Variants in STAT2 observed in about 807,000 individuals in gnomAD.
STAT2 encodes interferon alpha induced transcriptional activator.
STAT2 carries 51 observed loss-of-function variants against 122.3 expected under a neutral mutation model. The observed-to-expected ratio is 0.42, with a 90% CI of 0.33 to 0.53. The LOEUF is 0.53. Among genes scored for constraint, STAT2 ranks in the 20% least tolerant of loss-of-function variants. The probability of loss-of-function intolerance (pLI) is 0.10; values close to 1 mark genes in which losing one functional copy is unlikely to be tolerated. For synonymous variants in STAT2, 351 were observed against 394.9 expected (o/e 0.89, Z 1.32); for missense variants, 736 against 1,010.3 (o/e 0.73, Z 3.68).
chr12:56,350,802 G>A (rs1565653723), intron 11 of STAT2, 27 bp downstream of exon 11: 1 of 1,613,244 alleles, frequency 6.2e-7, no homozygotes, highest in Non-Finnish European at 8.5e-7. Context: ...CCCGTGTCCT[G>A]GCCACCCTTC....
rs766617497 is a variant in STAT2 at position 56,350,420 on chromosome 12, T to C, written c.1107A>G (p.Gln369=). Residue 369 remains glutamine, a synonymous_variant, in exon 12 of 24, where the codon CAA becomes CAG. Transcript: ENST00000314128. ...CCTTGTCAAGCACCTACCCTTGTAA[T>C]TGAGGAGGATTCCTGAAAAGAAATA... ...VEVSIDRNPP[Q]LQGFRKFNIL... The C allele has an allele frequency of 9.3e-6, 15 of 1,606,908 alleles. No homozygotes were observed. The African/African-American group carries it at 1.6e-4, about 17-fold the overall frequency.
chr12:56,348,163 C>T (rs1393482861), intron 19 of STAT2, among the ~76,000 whole-genome samples: 1 of 149,542 alleles, frequency 6.7e-6, no homozygotes, highest in East Asian at 2.0e-4. Flanking sequence ...TCTCGGCTCA[C>T]TGCAAGCTCC....
Position 56,343,311 on chromosome 12 carries a change from C to G in STAT2, c.*78G>C. ...CTTGGAAGGGACACATGCCTGATTC[C>G]CATCCTTGGAGAACAATATCATGCT... On this transcript the variant is annotated 3_prime_UTR_variant, in exon 24 of 24. Transcript: ENST00000314128. 1 of 1,550,752 alleles carries G rather than the reference C, an allele frequency of 6.4e-7. No individual in the cohort carries two copies. Among genetic ancestry groups the G allele is most frequent in the East Asian group, 2.3e-5 (1 of 44,200 alleles).
chr12:56,350,564 T>C (rs1287471130), intron 11 of STAT2, 132 bp from the exon 12 acceptor site: 1 of 832,844 alleles, frequency 1.2e-6, no homozygotes, highest in Admixed American at 2.7e-5. Flanking sequence ...TGAGAAGAGA[T>C]GTAATCAGTC....
At position 56,350,421 on chromosome 12, in the gene STAT2, TGAG is replaced by T. The variant is rs1878276199; in HGVS notation, c.1103_1105del (p.Pro368del). 1.2e-6 allele frequency: 2 copies of T among 1,606,790 alleles called. No individual in the cohort carries two copies. The highest frequency in any genetic ancestry group is 2.7e-5 in the African/African-American group (2 of 74,480). On this transcript the variant is annotated inframe_deletion, in exon 12 of 24. Transcript: ENST00000314128. ...CTTGTCAAGCACCTACCCTTGTAAT[TGAG>T]GAGGATTCCTGAAAAGAAATAAATT...
chr12:56,347,469 GCAT>G (rs1877672928), intron 19 of STAT2, among the ~76,000 whole-genome samples: 1 of 152,020 alleles, frequency 6.6e-6, no homozygotes, highest in South Asian at 2.1e-4. Flanking sequence ...AGGATTACAG[GCAT>G]GAGCAACCAC....
chr12:56,348,468 A>G, intron 19 of STAT2, 61 bp downstream of exon 19: 1 of 1,550,166 alleles, frequency 6.5e-7, no homozygotes, highest in Non-Finnish European at 8.9e-7. Flanking sequence ...GAGGGTGCAG[A>G]GACTCCACTC....
chr12:56,355,485 A>T lies in STAT2; in HGVS notation c.429T>A (p.His143Gln), dbSNP rs372975661. 7.4e-6 allele frequency: 12 copies of T among 1,613,762 alleles called. No individual in the cohort carries two copies. The highest frequency in any genetic ancestry group is 1.0e-5 in the Non-Finnish European group (12 of 1,179,764). The part of the protein sequence containing the change: ...VLETPVESQQ[H>Q]EIESRILDLR... ...AATCCAGGATCCGGGATTCAATCTCATGTTGCTGGCTCTCCACAGGTGTTT... is the reference window on the plus strand; with the variant it reads ...AATCCAGGATCCGGGATTCAATCTCTTGTTGCTGGCTCTCCACAGGTGTTT... Residue 143 changes from histidine to glutamine, a missense_variant, in exon 5 of 24, where the codon CAT becomes CAA. Physicochemically the swap from His to Gln is conservative, Grantham distance 24 (BLOSUM62 0). Transcript: ENST00000314128.
chr12:56,354,371 C>T, intron 8 of STAT2, 95 bp downstream of exon 8: 1 of 1,568,632 alleles, frequency 6.4e-7, no homozygotes, highest in South Asian at 1.2e-5. Context: ...GGAGCAGAGA[C>T]AAATAGAGAA....
rs1210130386 is a variant in STAT2 at position 56,349,476 on chromosome 12, T to G, written c.1291A>C (p.Ile431Leu). Reference protein sequence around the residue: ...PLGVTEELHIISFTVKYTYQG... With the variant: ...PLGVTEELHILSFTVKYTYQG... ...TAGGTATATTTGACCGTGAAGCTGA[T>G]GATGTGCAGTTCCTCTGTCACACCT... The change falls in exon 15 of 24, where the codon ATC (isoleucine) becomes CTC (leucine). Residue 431 changes from isoleucine to leucine, a missense_variant. Ile to Leu is a conservative substitution (Grantham distance 5, BLOSUM62 2). Transcript: ENST00000314128. 6.2e-7 allele frequency: 1 copy of G among 1,614,232 alleles called. No homozygotes were observed. Among genetic ancestry groups the G allele is most frequent in the Non-Finnish European group, 8.5e-7 (1 of 1,180,040 alleles).
In STAT2 at chr12:56,348,905, GA is replaced by G; in HGVS notation, c.1576+18del. 1.2e-6 allele frequency: 2 copies of G among 1,613,234 alleles called. No homozygotes were observed. The highest frequency in any genetic ancestry group is 1.7e-6 in the Non-Finnish European group (2 of 1,179,474). ...AAGACTAAGGCTGGGGAAAGGCTGA[GA>G]GAAAAGGAAATCTGTACCGAACAGC... is the stretch of plus-strand genomic sequence containing the variant. On this transcript the variant is annotated intron_variant, in intron 17 of 23. Coordinates refer to ENST00000314128, the MANE Select transcript of STAT2 (RefSeq NM_005419.4).
chr12:56,359,912 C>G, intron 1 of STAT2, 146 bp downstream of exon 1: 1 of 371,356 alleles, frequency 2.7e-6, no homozygotes, highest in Non-Finnish European at 3.7e-6. Flanking sequence ...AGATCGAGGA[C>G]CGAGCAGGCG....
intron 23 of STAT2, 95 bp downstream of exon 23, chr12:56,343,730 G>C: frequency 6.4e-7 from 1 of 1,561,240 alleles, no homozygotes. Context: ...TCTCCAATGA[G>C]GAGCTTGGAG....
chr12:56,348,458 G>T, intron 19 of STAT2, 71 bp downstream of exon 19: 1 of 1,506,704 alleles, frequency 6.6e-7, no homozygotes, highest in Non-Finnish European at 9.2e-7. Context: ...CTTGCCACGT[G>T]AGGGTGCAGA....
intron 23 of STAT2, 100 bp from the exon 24 acceptor site, chr12:56,343,631 G>A: frequency 6.5e-7 from 1 of 1,537,250 alleles, no homozygotes; most frequent in Non-Finnish European, 8.8e-7. Context: ...CCTGGGAAGA[G>A]CCTGAGTGGG....
chr12:56,349,099 C>T (rs1368609195), intron 16 of STAT2, 40 bp from the exon 17 acceptor site: 1 of 1,613,762 alleles, frequency 6.2e-7, no homozygotes. Context: ...TCAGAAGCAA[C>T]CTATCACACC....
intron 1 of STAT2, among the ~76,000 whole-genome samples, chr12:56,358,543 G>A (rs1373650170): frequency 1.3e-5 from 2 of 152,262 alleles, no homozygotes; most frequent in African/African-American, 4.8e-5. Context: ...ACCATGCCCG[G>A]CCACCTGAAG....
chr12:56,358,823 G>A (rs1016048646), intron 1 of STAT2, among the ~76,000 whole-genome samples: 4 of 152,118 alleles, frequency 2.6e-5, no homozygotes, highest in African/African-American at 9.7e-5. Flanking sequence ...TTGTACCCAG[G>A]AGGCAGGGGT....
intron 22 of STAT2, among the ~76,000 whole-genome samples, chr12:56,345,538 C>T (rs1352093361): frequency 3.3e-5 from 2 of 61,044 alleles, no homozygotes; most frequent in East Asian, 6.1e-4. Flanking sequence ...TATATATATG[C>T]GGGGTGTGGT....
Sources: allele counts gnomAD v4.1 joint callset (sites outside exome capture counted in the v4.1 genomes callset), GRCh38; gene constraint gnomAD v4.1.1; transcripts MANE v1.5; gene names NCBI Gene and HGNC (gene_info 2026-07-23, HGNC 2026-07-21).